Variants in HSPA12A observed in about 807,000 individuals in gnomAD.
HSPA12A encodes the protein heat shock protein family A (Hsp70) member 12A.
A neutral mutation model predicts 69.2 loss-of-function variants in HSPA12A; 28 were observed. The ratio of observed to expected loss-of-function variants is 0.40; its 90% CI spans 0.30 to 0.55. The LOEUF is 0.55. Ranked by LOEUF, HSPA12A falls within the 20% of genes least tolerant of loss-of-function variation. HSPA12A has a pLI of 0.38. For synonymous variants in HSPA12A, 345 were observed against 370.5 expected, an observed-to-expected ratio of 0.93 and a Z score of 0.79; for missense variants, 686 against 900.7, an observed-to-expected ratio of 0.76 and a Z score of 3.05.
intron 1 of HSPA12A, among the ~76,000 whole-genome samples, chr10:116,740,733 G>A (rs115068512): frequency 1.3e-5 from 2 of 149,492 alleles, no homozygotes; most frequent in Non-Finnish European, 3.0e-5. Context: ...TGCTGAATTT[G>A]ATTTACAAGA....
chr10:116,803,796 G>A (rs1468362860), intron 2 of HSPA12A, among the ~76,000 whole-genome samples: 1 of 152,156 alleles, frequency 6.6e-6, no homozygotes, highest in Non-Finnish European at 1.5e-5. Context: ...CTCCCTTCCC[G>A]TCTTCTCTGA....
chr10:116,778,750 G>A (rs1443631740), intron 2 of HSPA12A, among the ~76,000 whole-genome samples: 7 of 152,100 alleles, frequency 4.6e-5, no homozygotes, highest in African/African-American at 1.7e-4. Context: ...TGGCATGATG[G>A]GACCCGCTAT....
In HSPA12A at chr10:116,676,488, T is replaced by G. The variant is rs1554877733; in HGVS notation, c.1301A>C (p.Lys434Thr). Residue 434 changes from lysine to threonine, a missense_variant, in exon 11 of 12, where the codon AAG becomes ACG. Lys to Thr is a moderately conservative substitution (Grantham distance 78). Transcript: ENST00000369209. ...CCGCAGCATCCCCTGCGAGGACCAC[T>G]TCACAAAATCCACACTGCAGGAGCA... ...ALRKSNVDFV[K>T]WSSQGMLRMS... is the part of the protein sequence containing the mutation. 2 of 1,613,768 alleles carry G rather than the reference T, an allele frequency of 1.2e-6. No individual in the cohort carries two copies. Among genetic ancestry groups the G allele is most frequent in the Admixed American group, 3.3e-5 (2 of 60,026 alleles).
intron 1 of HSPA12A, among the ~76,000 whole-genome samples, chr10:116,840,960 C>G (rs1845792983): frequency 6.6e-6 from 1 of 152,138 alleles, no homozygotes; most frequent in Non-Finnish European, 1.5e-5. Flanking sequence ...TTTGGTAGCT[C>G]CGGTAAAGGC....
chr10:116,732,652 T>C (rs1851197068), intron 1 of HSPA12A, among the ~76,000 whole-genome samples: 1 of 152,234 alleles, frequency 6.6e-6, no homozygotes, highest in South Asian at 2.1e-4. Flanking sequence ...GCAGAGTGTT[T>C]TATTCACAGC....
intron 1 of HSPA12A, among the ~76,000 whole-genome samples, chr10:116,718,819 A>G (rs148078475): frequency 2.6e-5 from 4 of 152,094 alleles, no homozygotes; most frequent in African/African-American, 9.6e-5. Context: ...TAAGGTACTA[A>G]GTTTCCCGCA....
rs1849120680 is a variant in HSPA12A at position 116,672,719 on chromosome 10, T to C, written c.*2062A>G. On this transcript the variant is annotated 3_prime_UTR_variant, in exon 12 of 12. Transcript: ENST00000369209. ...ACAATATTCTAACATTATATGTACA[T>C]AAAATTATATTACTCATAACTATAT... 1.3e-5 allele frequency: 2 copies of C among 152,624 alleles called. No individual in the cohort carries two copies. Among genetic ancestry groups the C allele is most frequent in the African/African-American group, 4.8e-5 (2 of 41,452 alleles). The allele number at this position is 152,624 out of a possible 1,614,324, so 9.5% of individuals were successfully genotyped here.
intron 1 of HSPA12A, among the ~76,000 whole-genome samples, chr10:116,738,266 G>A (rs2907240): frequency 0.073 from 11,051 of 152,232 alleles, 993 homozygotes; most frequent in East Asian, 0.37. Flanking sequence ...GCACCACTGC[G>A]GAGTGGGCAA....
rs1849110040 is a variant in HSPA12A at position 116,672,357 on chromosome 10, CT to C, written c.*2423del. The C allele has an allele frequency of 6.6e-6, 1 of 152,200 alleles. No homozygotes were observed. Among genetic ancestry groups the C allele is most frequent in the African/African-American group, 2.4e-5 (1 of 41,456 alleles). The allele number at this position is 152,200 out of a possible 1,614,324, so 9.4% of individuals were successfully genotyped here. On this transcript the variant is annotated 3_prime_UTR_variant, in exon 12 of 12. Coordinates refer to ENST00000369209, the MANE Select transcript of HSPA12A (RefSeq NM_025015.3). ...GCTTCCAGAACCAGAACGTTCAGCT[CT>C]TAAAGTCTGCACAGAAGAACTGATA...
At chr10:116,849,865 C>T, upstream of HSPA12A, 1 of 1,027,338 alleles carries the variant, frequency 9.7e-7, no homozygotes. Context: ...CCTGCGTGTG[C>T]GGAGGAGACT....
intron 1 of HSPA12A, among the ~76,000 whole-genome samples, chr10:116,726,950 C>T (rs1346223412): frequency 3.3e-5 from 5 of 152,170 alleles, no homozygotes; most frequent in African/African-American, 1.2e-4. Context: ...CTCCATAATT[C>T]AGTGGTTCCA....
At chr10:116,751,009 TGAAGAAGAA>T (rs367768494) in intron 2 of HSPA12A, among the ~76,000 whole-genome samples, 103 of 129,254 alleles carry the variant, frequency 8.0e-4, no homozygotes, top group Non-Finnish European at 1.3e-3. Context: ...AGGAAGAACA[TGAAGAAGAA>T]GAAGAAGAAG....
intron 6 of HSPA12A, among the ~76,000 whole-genome samples, chr10:116,684,931 A>G (rs1458376209): frequency 6.6e-6 from 1 of 152,160 alleles, no homozygotes. Context: ...GAGAAACAGC[A>G]TGGCTGGGCC....
At chr10:116,729,292 T>G (rs147869606) in intron 1 of HSPA12A, among the ~76,000 whole-genome samples, 12 of 152,200 alleles carry the variant, frequency 7.9e-5, no homozygotes, top group African/African-American at 2.9e-4. Flanking sequence ...GGGTCGACCC[T>G]GAAAGTCCCT....
chr10:116,735,944 C>G lies in HSPA12A; in HGVS notation c.40+6486G>C, dbSNP rs184287889. ...CCCAGGAAGCAGAGCTTACATAAGC[C>G]AAGATCACGCCACTGCTCTCCAGCC... is the stretch of plus-strand genomic sequence containing the variant. On this transcript the variant is annotated intron_variant, in intron 1 of 11. Transcript: ENST00000369209. Among the ~76,000 whole-genome samples the G allele has an allele frequency of 3.9e-5, 6 of 152,170 alleles. No individual in the cohort carries two copies. In the East Asian group the frequency reaches 1.2e-3, roughly 29 times the overall value.
intron 1 of HSPA12A, among the ~76,000 whole-genome samples, chr10:116,739,491 C>T (rs1181223878): frequency 1.3e-5 from 2 of 152,138 alleles, no homozygotes; most frequent in Non-Finnish European, 2.9e-5. Context: ...GCCTGCCCAC[C>T]ATCCCTCTCC....
chr10:116,698,155 GAAT>G (rs1849970910), intron 5 of HSPA12A: 1 of 152,762 alleles, frequency 6.5e-6, no homozygotes, highest in African/African-American at 2.4e-5. Context: ...TCGTCGTTGT[GAAT>G]AATGTTGCTA....
chr10:116,835,022 T>A (rs892878325), exon 2 of HSPA12A: 15 of 1,230,328 alleles, frequency 1.2e-5, no homozygotes, highest in Non-Finnish European at 1.5e-5. Context: ...ACACTCTCCA[T>A]CTGTAGGAGG....
At chr10:116,813,751 A>T (rs1845244262) in intron 2 of HSPA12A, among the ~76,000 whole-genome samples, 1 of 151,976 alleles carries the variant, frequency 6.6e-6, no homozygotes, top group South Asian at 2.1e-4. Context: ...GGGCATGGTG[A>T]TGAGCACCTG....
Sources: allele counts gnomAD v4.1 joint callset (sites outside exome capture counted in the v4.1 genomes callset), GRCh38; gene constraint gnomAD v4.1.1; transcripts MANE v1.5; gene names NCBI Gene and HGNC (gene_info 2026-07-23, HGNC 2026-07-21).